SLC9A6: variants seen among roughly 807,000 people sequenced by gnomAD.
SLC9A6 encodes sodium/hydrogen exchanger 6.
In SLC9A6, 6 loss-of-function variants were observed where a neutral mutation model predicts 45.3. The observed-to-expected ratio is 0.13, with a 90% CI of 0.07 to 0.26. The LOEUF (loss-of-function observed/expected upper bound fraction) is 0.26, where lower values mean the gene tolerates loss of function less well. Among genes scored for constraint, SLC9A6 ranks in the 10% least tolerant of loss-of-function variants. The pLI is 1.00. For missense variants in SLC9A6, 278 were observed against 503.7 expected (o/e 0.55, Z 4.29); for synonymous variants, 191 against 187.7 (o/e 1.02, Z -0.14).
intron 7 of SLC9A6, among the ~76,000 whole-genome samples, chrX:136,005,452 G>A (rs782520932): frequency 5.3e-5 from 6 of 112,221 alleles, no homozygotes; most frequent in Admixed American, 2.8e-4. Context: ...AGGCCGAGGC[G>A]GGCGGATCAC....
chrX:135,990,379 T>G (rs112673936), intron 2 of SLC9A6, among the ~76,000 whole-genome samples: 53 of 111,984 alleles, frequency 4.7e-4, no homozygotes, highest in East Asian at 2.5e-3. Flanking sequence ...GCTAGAAGTT[T>G]CTGCTTTAGT....
intron 16 of SLC9A6, among the ~76,000 whole-genome samples, chrX:136,033,694 G>A (rs1261445239): frequency 9.1e-6 from 1 of 109,783 alleles, no homozygotes; most frequent in Non-Finnish European, 1.9e-5. Flanking sequence ...GTAGGGACTG[G>A]TCATTTCAGA....
intron 16 of SLC9A6, among the ~76,000 whole-genome samples, chrX:136,037,787 G>T (rs2071436585): frequency 9.0e-6 from 1 of 111,383 alleles, no homozygotes; most frequent in African/African-American, 3.3e-5. Context: ...TGCCAGGATG[G>T]TCTCGATCTC....
chrX:136,008,918 C>T (rs184086939), intron 7 of SLC9A6, among the ~76,000 whole-genome samples: 1 of 112,126 alleles, frequency 8.9e-6, no homozygotes, highest in African/African-American at 3.2e-5. Flanking sequence ...TGTCCTTATA[C>T]ATTTTAATGA....
intron 13 of SLC9A6, among the ~76,000 whole-genome samples, chrX:136,027,254 GT>G (rs782371619): frequency 9.0e-6 from 1 of 111,710 alleles, no homozygotes; most frequent in Non-Finnish European, 1.9e-5. Context: ...GGATGGGGGT[GT>G]TTTTGATACA....
chrX:135,994,893 A>G lies in SLC9A6; in HGVS notation c.277A>G (p.Asn93Asp). 8.3e-7 allele frequency: 1 copy of G among 1,206,054 alleles called. No individual in the cohort carries two copies. Among genetic ancestry groups the G allele is most frequent in the Non-Finnish European group, 1.1e-6 (1 of 890,273 alleles). ...VQSSPTTLLV[N>D]VSGKFYEYML... ...GTCAAGTCCAACTACCTTACTGGTA[A>G]ATGTTAGTGGAAAATTTTATGAGTA... The change falls in exon 3 of 18, where the codon AAT (asparagine) becomes GAT (aspartate). Residue 93 changes from asparagine to aspartate, a missense_variant. By Grantham distance (23) the Asn-to-Asp change is conservative (BLOSUM62 1). Around this residue, in one of 5 missense-constraint regions of SLC9A6, gnomAD observed 118 missense variants for 209.9 expected, o/e 0.56. Transcript: ENST00000630721.
chrX:136,027,883 A>T lies in SLC9A6; in HGVS notation c.1461-1003A>T, dbSNP rs145272376. Reference sequence around the variant, plus strand: ...ACGGTGGATCCACAGTAAATTTGAAACAGCCAGCTATTCCCATGTCCTTTC... The same window carrying T: ...ACGGTGGATCCACAGTAAATTTGAATCAGCCAGCTATTCCCATGTCCTTTC... On this transcript the variant is annotated intron_variant, in intron 13 of 17. Transcript: ENST00000630721. Among the ~76,000 whole-genome samples the T allele has an allele frequency of 2.4e-3, 265 of 112,581 alleles. 15 individuals carry two copies. In the East Asian group the frequency reaches 0.058, roughly 25 times the overall value.
intron 7 of SLC9A6, among the ~76,000 whole-genome samples, chrX:136,002,787 A>T (rs2089601384): frequency 9.1e-6 from 1 of 109,658 alleles, no homozygotes. Flanking sequence ...TCTTCTCCTG[A>T]CCTCAGGTGA....
intron 8 of SLC9A6, 39 bp from the exon 9 acceptor site, chrX:136,012,910 T>G: frequency 2.0e-6 from 2 of 998,487 alleles, no homozygotes; most frequent in Non-Finnish European, 2.9e-6. Flanking sequence ...GTCACACTTT[T>G]GTGTTACAAG....
intron 11 of SLC9A6, among the ~76,000 whole-genome samples, chrX:136,017,915 G>A (rs1556619483): frequency 9.0e-6 from 1 of 111,152 alleles, no homozygotes. Flanking sequence ...TCCACTGCAA[G>A]CTCACTCAAC....
In SLC9A6 at chrX:135,998,143, A is replaced by G; in HGVS notation, c.405A>G (p.Leu135=). The G allele has an allele frequency of 8.8e-7, 1 of 1,133,250 alleles. No homozygotes were observed. Among genetic ancestry groups the G allele is most frequent in the Non-Finnish European group, 1.2e-6 (1 of 824,263 alleles). The allele number at this position is 1,133,250 out of a possible 1,213,427, so 93.4% of individuals were successfully genotyped here. Residue 135 remains leucine, a synonymous_variant, in exon 4 of 18, where the codon TTA becomes TTG. Transcript: ENST00000630721. ...ATCCAGAAGTATTTTTCAACATATTACTTCCTCCTATCATATTTTATGCAG... is the reference window on the plus strand; with the variant it reads ...ATCCAGAAGTATTTTTCAACATATTGCTTCCTCCTATCATATTTTATGCAG... ...TFDPEVFFNI[L]LPPIIFYAGY...
chrX:136,006,210 C>T lies in SLC9A6; in HGVS notation c.743+3997C>T, dbSNP rs782051710. Among the ~76,000 whole-genome samples, 3 of 111,558 alleles carry T rather than the reference C, an allele frequency of 2.7e-5. No homozygotes were observed. The South Asian group carries it at 1.1e-3, about 42-fold the overall frequency. ...AGCTTTGCATCAAAGGGGAGGGAAC[C>T]CCTTTTTGAAGGAGTTCTGTTTGGC... On this transcript the variant is annotated intron_variant, in intron 7 of 17. Transcript: ENST00000630721.
At chrX:135,988,518 C>T (rs193223711) in intron 2 of SLC9A6, among the ~76,000 whole-genome samples, 179 of 86,246 alleles carry the variant, frequency 2.1e-3, no homozygotes, top group African/African-American at 7.3e-3. Context: ...TTCTTTCTCT[C>T]TCTTTCTTTC....
chrX:136,016,245 T>A (rs183540564), intron 10 of SLC9A6, among the ~76,000 whole-genome samples: 4 of 110,834 alleles, frequency 3.6e-5, no homozygotes, highest in South Asian at 7.7e-4. Flanking sequence ...AAACTATCAG[T>A]TTTAGAGATT....
chrX:136,032,056 T>C (rs1163910103), intron 15 of SLC9A6, among the ~76,000 whole-genome samples: 8 of 111,687 alleles, frequency 7.2e-5, no homozygotes, highest in Non-Finnish European at 1.1e-4. Flanking sequence ...TGCTTGCTTA[T>C]TTATTTATTT....
At position 135,985,472 on chromosome X, in the gene SLC9A6, G is replaced by C. The variant is rs1437969453; in HGVS notation, c.-62G>C. The C allele has an allele frequency of 2.0e-6, 2 of 1,021,660 alleles. No homozygotes were observed. Among genetic ancestry groups the C allele is most frequent in the Non-Finnish European group, 2.5e-6 (2 of 800,399 alleles). 84.2% of individuals were successfully genotyped at this position (1,021,660 alleles called of 1,213,427 possible). ...AGTGGTCCGACCGCGGGCGGCCGCCGGTGAGGTAGGGGCGGGAGGCGGGGG... is the reference window on the plus strand; with the variant it reads ...AGTGGTCCGACCGCGGGCGGCCGCCCGTGAGGTAGGGGCGGGAGGCGGGGG... On this transcript the variant is annotated 5_prime_UTR_variant, in exon 1 of 18. Coordinates refer to ENST00000630721, the MANE Select transcript of SLC9A6 (RefSeq NM_001379110.1).
intron 4 of SLC9A6, 117 bp from the exon 5 acceptor site, chrX:135,998,365 A>G: frequency 1.7e-6 from 1 of 575,720 alleles, no homozygotes; most frequent in Non-Finnish European, 2.8e-6. Context: ...TATCCTAGTG[A>G]ATAATGCATT....
chrX:136,005,358 T>C (rs1262894137), intron 7 of SLC9A6, among the ~76,000 whole-genome samples: 1 of 112,610 alleles, frequency 8.9e-6, no homozygotes, highest in Non-Finnish European at 1.9e-5. Flanking sequence ...GGGGTGTACA[T>C]ACCAGTGTTG....
intron 2 of SLC9A6, among the ~76,000 whole-genome samples, chrX:135,987,272 T>G (rs2089354146): frequency 8.9e-6 from 1 of 112,314 alleles, no homozygotes. Context: ...GCTATATATT[T>G]CTATATAATT....
Sources: gnomAD v4.1 joint callset for allele counts (sites outside exome capture counted in the v4.1 genomes callset) on GRCh38, gnomAD v4.1.1 for gene constraint, gnomAD v4.1.1 regional missense constraint, MANE v1.5 for transcripts, NCBI Gene and HGNC (gene_info 2026-07-23, HGNC 2026-07-21) for gene names.